The following MYO16 variants were observed in gnomAD, a reference collection of about 807,000 sequenced individuals.
MYO16 encodes the protein unconventional myosin-XVI.
Under a neutral mutation model 205.3 loss-of-function variants are expected in MYO16, and 94 were observed. The observed-to-expected ratio is 0.46, with a 90% confidence interval of 0.39 to 0.54. The LOEUF is 0.54. MYO16 is among the 20% of genes least tolerant of loss of function. The probability of loss-of-function intolerance (pLI) is 0.00; values close to 1 mark genes in which losing one functional copy is unlikely to be tolerated. For missense variants in MYO16, 2,315 were observed against 2,387.5 expected (o/e 0.97, Z 0.63); for synonymous variants, 988 against 954.0 (o/e 1.04, Z -0.66).
At chr13:109,062,078 G>A (rs1566487190) in intron 27 of MYO16, among the ~76,000 whole-genome samples, 4 of 152,000 alleles carry the variant, frequency 2.6e-5, no homozygotes, top group African/African-American at 7.2e-5. Context: ...AGAGTGGAGG[G>A]AGAAAGAGAG....
intron 1 of MYO16, among the ~76,000 whole-genome samples, chr13:108,644,350 A>ATCTGTCTGTCTG (rs556879468): frequency 0.012 from 1,692 of 138,514 alleles, 22 homozygotes; most frequent in South Asian, 0.044. Flanking sequence ...TCTACCATCT[A>ATCTGTCTGTCTG]TCTGTCTGTC....
rs898023900 is a variant in MYO16 at position 108,962,591 on chromosome 13, T to A, written c.2227+96T>A. On this transcript the variant is annotated intron_variant, in intron 19 of 34. Transcript: ENST00000457511. ...TGTCCCCACTTAGTGAAACTATTTC[T>A]ATGAATTGAATGCCAAATGAGGAAA... 5 of 884,946 alleles carry A rather than the reference T, an allele frequency of 5.7e-6. No homozygotes were observed. In the Admixed American group the frequency reaches 1.1e-4, roughly 20 times the overall value. The allele number at this position is 884,946 out of a possible 1,614,324, so 54.8% of individuals were successfully genotyped here. A position where few individuals can be genotyped will look rare whatever the true frequency, so the allele number is the denominator to read the frequency against.
In MYO16 at chr13:108,655,683, G is replaced by A. The variant is rs530945486; in HGVS notation, c.29-10203G>A. On this transcript the variant is annotated intron_variant, in intron 1 of 34. Coordinates refer to ENST00000457511, the MANE Select transcript of MYO16 (RefSeq NM_001198950.3). Reference sequence around the variant, plus strand: ...GCCCATGAAAGCAGCCAGGAGCCGGGGCTATACCCTGCAAAGCCACAGGGG... The same window carrying A: ...GCCCATGAAAGCAGCCAGGAGCCGGAGCTATACCCTGCAAAGCCACAGGGG... Among the ~76,000 whole-genome samples the A allele has an allele frequency of 4.9e-4, 74 of 152,262 alleles. 2 individuals are homozygous for A. The East Asian group carries it at 8.1e-3, about 17-fold the overall frequency.
chr13:108,735,463 A>AGTATTCCATGGTATATACCATGC (rs1884663102), intron 4 of MYO16, among the ~76,000 whole-genome samples: 1 of 146,274 alleles, frequency 6.8e-6, no homozygotes, highest in Non-Finnish European at 1.5e-5. Context: ...ATGGCTGCAT[A>AGTATTCCATGGTATATACCATGC]GTATTCCATG....
rs1201009553 is a variant in MYO16 at position 108,806,763 on chromosome 13, C to A, written c.826C>A (p.Gln276Lys). The change falls in exon 7 of 35, where the codon CAG becomes AAG. Residue 276 changes from glutamine to lysine, a missense_variant. By Grantham distance (53) the Gln-to-Lys change is moderately conservative. Around this residue, in one of 3 missense-constraint regions of MYO16, gnomAD observed 1,213 missense variants for 1,274.4 expected, o/e 0.95. Transcript: ENST00000457511. ...TGGAGACCTCAACATAGTAGATGAT[C>A]AGTACTGGACTCCCCTCCACTTGGC... ...HGGDLNIVDD[Q>K]YWTPLHLAAK... 10 of 1,587,370 alleles carry A rather than the reference C, an allele frequency of 6.3e-6. No individual in the cohort carries two copies. Among genetic ancestry groups the A allele is most frequent in the Non-Finnish European group, 7.7e-6 (9 of 1,164,026 alleles).
the MYO16 span, among the ~76,000 whole-genome samples, chr13:108,578,123 A>C: frequency 1.3e-5 from 2 of 152,198 alleles, no homozygotes; most frequent in African/African-American, 2.4e-5. Flanking sequence ...AGTTACCAAT[A>C]TCAAGCTTGG....
At chr13:108,884,064 G>A in intron 13 of MYO16, among the ~76,000 whole-genome samples, 1 of 152,310 alleles carries the variant, frequency 6.6e-6, no homozygotes, top group East Asian at 1.9e-4. Flanking sequence ...GGGAGGGAAA[G>A]CTCTATAAAT....
intron 11 of MYO16, among the ~76,000 whole-genome samples, chr13:108,864,434 C>T (rs942970711): frequency 7.9e-5 from 12 of 151,964 alleles, no homozygotes; most frequent in African/African-American, 2.9e-4. Flanking sequence ...TTCTAGGTAC[C>T]TACTAGTGAC....
intron 15 of MYO16, among the ~76,000 whole-genome samples, chr13:108,901,197 C>T (rs1449895349): frequency 6.6e-6 from 1 of 152,190 alleles, no homozygotes; most frequent in Non-Finnish European, 1.5e-5. Flanking sequence ...CCTGTGATCT[C>T]GCCCTGCCTC....
chr13:109,151,267 T>G (rs911170218), intron 32 of MYO16, among the ~76,000 whole-genome samples: 1 of 152,232 alleles, frequency 6.6e-6, no homozygotes, highest in African/African-American at 2.4e-5. Context: ...TGTGCAGAGC[T>G]TCTCAGGCCT....
intron 28 of MYO16, 39 bp from the exon 29 acceptor site, chr13:109,120,331 T>G (rs755191968): frequency 1.4e-6 from 2 of 1,403,526 alleles, no homozygotes. Flanking sequence ...TTTTGGTATC[T>G]TCATGCTGTT....
intron 12 of MYO16, among the ~76,000 whole-genome samples, chr13:108,880,692 C>T (rs901216679): frequency 4.6e-5 from 7 of 151,982 alleles, no homozygotes; most frequent in Non-Finnish European, 7.4e-5. Context: ...GTATTATTTC[C>T]GGGGGCTCTA....
intron 20 of MYO16, among the ~76,000 whole-genome samples, chr13:108,982,401 C>T (rs1178407037): frequency 6.6e-6 from 1 of 151,236 alleles, no homozygotes; most frequent in Non-Finnish European, 1.5e-5. Flanking sequence ...TTTAAAAAAC[C>T]CAAATAAAAA....
intron 16 of MYO16, among the ~76,000 whole-genome samples, chr13:108,918,255 A>G (rs1454673279): frequency 2.0e-5 from 3 of 152,254 alleles, no homozygotes; most frequent in Non-Finnish European, 4.4e-5. Flanking sequence ...CCAAATATAA[A>G]TATACCAAAT....
rs180798666 is a variant in MYO16, at chr13:108,858,390, C to T, written c.1359+2837C>T. On this transcript the variant is annotated intron_variant, in intron 11 of 34. Coordinates refer to ENST00000457511, the MANE Select transcript of MYO16 (RefSeq NM_001198950.3). The stretch of plus-strand genomic sequence containing the variant: ...ACAGAAATCTCAAAATTCAAATACC[C>T]GAATTTGGTCATTTGAGCTCTTCCA... Among the ~76,000 whole-genome samples the T allele has an allele frequency of 1.4e-3, 212 of 152,242 alleles. 1 individual carries two copies. The highest frequency in any genetic ancestry group is 4.3e-3 in the African/African-American group (179 of 41,552).
the MYO16 span, among the ~76,000 whole-genome samples, chr13:108,536,163 A>G: frequency 6.6e-6 from 1 of 152,090 alleles, no homozygotes; most frequent in Non-Finnish European, 1.5e-5. Flanking sequence ...GTATTTATTA[A>G]TTCCCTAGTG....
chr13:108,523,425 G>A, the MYO16 span, among the ~76,000 whole-genome samples: 3 of 152,170 alleles, frequency 2.0e-5, no homozygotes, highest in Admixed American at 6.5e-5. Flanking sequence ...CTCCCATGAC[G>A]TTTCTGGCAG....
At chr13:108,909,100 A>G (rs752349058) in intron 15 of MYO16, among the ~76,000 whole-genome samples, 1 of 152,140 alleles carries the variant, frequency 6.6e-6, no homozygotes, top group Admixed American at 6.5e-5. Flanking sequence ...AAACAATGAA[A>G]TTTTCAGCAT....
chr13:109,172,844 C>G (rs1394061280), intron 33 of MYO16, among the ~76,000 whole-genome samples: 1 of 152,056 alleles, frequency 6.6e-6, no homozygotes, highest in Non-Finnish European at 1.5e-5. Context: ...GATGGAGGTG[C>G]AAGGCAGTGA....
Sources: gnomAD v4.1 joint callset for allele counts (sites outside exome capture counted in the v4.1 genomes callset) on GRCh38, gnomAD v4.1.1 for gene constraint, gnomAD v4.1.1 regional missense constraint, MANE v1.5 for transcripts, NCBI Gene and HGNC (gene_info 2026-07-23, HGNC 2026-07-21) for gene names.